ZNF469: variants seen among roughly 807,000 people sequenced by gnomAD.
The protein encoded by ZNF469 is zinc finger protein 469.
ZNF469 carries 1 observed loss-of-function variant against 1.0 expected under a neutral mutation model. The observed-to-expected ratio is 1.00, with a 90% confidence interval of 0.35 to 4.73. The LOEUF (loss-of-function observed/expected upper bound fraction) is 4.73, where lower values mean the gene tolerates loss of function less well. Ranked by LOEUF, ZNF469 falls within the 30% of genes most tolerant of loss-of-function variation. The pLI, the probability that ZNF469 is intolerant of heterozygous loss-of-function variation, is 0.16. For missense variants in ZNF469, 6,100 were observed against 5,356.3 expected (o/e 1.14, Z -4.33); for synonymous variants, 2,703 against 2,363.4 (o/e 1.14, Z -4.17).
chr16:88,163,360 T>C, the ZNF469 span, among the ~76,000 whole-genome samples: 1 of 147,276 alleles, frequency 6.8e-6, no homozygotes, highest in African/African-American at 2.5e-5. Context: ...GATGGATGCA[T>C]GACTGGGTGG....
In ZNF469 at chr16:88,421,502, C is replaced by T. The variant is rs192247629; in HGVS notation, c.-191-3305C>T. ...TGCCGCCCCATGCCCACCCCAGCTCCAAGGACTGGGACGCGTCCCCGAGCC... is the reference window on the plus strand; with the variant it reads ...TGCCGCCCCATGCCCACCCCAGCTCTAAGGACTGGGACGCGTCCCCGAGCC... On this transcript the variant is annotated intron_variant, in intron 1 of 2. Transcript: ENST00000565624. Among the ~76,000 whole-genome samples, 483 of 152,322 alleles carry T rather than the reference C, an allele frequency of 3.2e-3. 5 individuals are homozygous for T. Among genetic ancestry groups the T allele is most frequent in the African/African-American group, 0.011 (460 of 41,574 alleles).
chr16:88,197,108 C>A, the ZNF469 span, among the ~76,000 whole-genome samples: 3 of 152,226 alleles, frequency 2.0e-5, no homozygotes, highest in Non-Finnish European at 4.4e-5. Context: ...TAGATCTAAT[C>A]TTGGACTTCA....
the ZNF469 span, among the ~76,000 whole-genome samples, chr16:88,338,408 C>A: frequency 6.6e-6 from 1 of 152,358 alleles, no homozygotes. Flanking sequence ...GGCTGATCAT[C>A]ACTGTGCCCT....
the ZNF469 span, among the ~76,000 whole-genome samples, chr16:88,280,342 C>T: frequency 3.3e-5 from 5 of 152,112 alleles, no homozygotes; most frequent in Admixed American, 6.5e-5. Flanking sequence ...TGCGCTACGC[C>T]GACACTTGGT....
chr16:88,144,119 C>A, the ZNF469 span, among the ~76,000 whole-genome samples: 6 of 152,122 alleles, frequency 3.9e-5, no homozygotes, highest in African/African-American at 7.2e-5. Flanking sequence ...GAGGTACGCC[C>A]GGGGCCGTCC....
At chr16:88,349,618 C>T in the ZNF469 span, among the ~76,000 whole-genome samples, 1 of 147,722 alleles carries the variant, frequency 6.8e-6, no homozygotes, top group African/African-American at 2.5e-5. Context: ...ACACACCCAG[C>T]ACAATACACA....
chr16:88,415,034 C>G (rs999366792), intron 1 of ZNF469, among the ~76,000 whole-genome samples: 1 of 152,220 alleles, frequency 6.6e-6, no homozygotes, highest in Non-Finnish European at 1.5e-5. Context: ...GCCTCGGCCT[C>G]GCAGAGACTC....
At chr16:88,297,881 A>G in the ZNF469 span, among the ~76,000 whole-genome samples, 2 of 152,144 alleles carry the variant, frequency 1.3e-5, no homozygotes, top group East Asian at 3.9e-4. Context: ...AGGGCACTAC[A>G]GGTGCCGGTG....
At chr16:88,354,986 C>T in the ZNF469 span, among the ~76,000 whole-genome samples, 1 of 152,176 alleles carries the variant, frequency 6.6e-6, no homozygotes, top group Non-Finnish European at 1.5e-5. Context: ...CGTCTCTAGG[C>T]CCTTGTCCCC....
chr16:88,116,838 C>T, the ZNF469 span, among the ~76,000 whole-genome samples: 698 of 151,806 alleles, frequency 4.6e-3, 6 homozygotes, highest in African/African-American at 0.016. Flanking sequence ...GAGTAGGGGC[C>T]GCAGGGGGGC....
the ZNF469 span, among the ~76,000 whole-genome samples, chr16:88,196,487 G>A: frequency 2.0e-5 from 3 of 152,306 alleles, no homozygotes; most frequent in East Asian, 5.8e-4. Context: ...AATGAACTCT[G>A]CAACCTTGTC....
chr16:88,356,150 C>T, the ZNF469 span, among the ~76,000 whole-genome samples: 1 of 152,268 alleles, frequency 6.6e-6, no homozygotes, highest in East Asian at 1.9e-4. Flanking sequence ...ACACCCGTAC[C>T]CTCCATCCCT....
chr16:88,208,096 A>T, the ZNF469 span, among the ~76,000 whole-genome samples: 3 of 151,482 alleles, frequency 2.0e-5, no homozygotes, highest in Non-Finnish European at 4.4e-5. Context: ...ATTAGTGTGG[A>T]CTCGTGGCTT....
intron 1 of ZNF469, among the ~76,000 whole-genome samples, chr16:88,416,403 G>A (rs1002117466): frequency 6.6e-6 from 1 of 152,180 alleles, no homozygotes; most frequent in African/African-American, 2.4e-5. Flanking sequence ...GCTTCCCCAC[G>A]CTGGAAGACA....
rs1403898582 is a variant in ZNF469, at chr16:88,432,610, A to C, written c.5140A>C (p.Ser1714Arg). ...TGGACTTTGCCAGGCAGAAGGAGACAGCAGGCCCCCCCAAGATGTCTGCCT... is the reference window on the plus strand; with the variant it reads ...TGGACTTTGCCAGGCAGAAGGAGACCGCAGGCCCCCCCAAGATGTCTGCCT... ...KTGLCQAEGD[S>R]RPPQDVCLPE... Residue 1714 changes from serine (S) to arginine (R), a missense_variant, in exon 3 of 3, where the codon AGC (serine) becomes CGC (arginine). Transcript: ENST00000565624. The C allele has an allele frequency of 6.4e-7, 1 of 1,550,454 alleles. No homozygotes were observed. Among genetic ancestry groups the C allele is most frequent in the Non-Finnish European group, 8.7e-7 (1 of 1,146,982 alleles).
chr16:88,110,517 T>C, the ZNF469 span, among the ~76,000 whole-genome samples: 2 of 152,226 alleles, frequency 1.3e-5, no homozygotes. Flanking sequence ...CCCCTCCTGC[T>C]CCTCCACACC....
Position 88,431,771 on chromosome 16 carries a change from C to T in ZNF469, c.4301C>T (p.Pro1434Leu). The T allele has an allele frequency of 6.5e-7, 1 of 1,549,906 alleles. No individual in the cohort carries two copies. Among genetic ancestry groups the T allele is most frequent in the Non-Finnish European group, 8.7e-7 (1 of 1,146,970 alleles). ...SLEPQLPRSP[P>L]GTAETEPGRA... ...GAGCCACAGCTGCCAAGGAGCCCACCTGGCACCGCTGAGACGGAGCCAGGC... is the reference window on the plus strand; with the variant it reads ...GAGCCACAGCTGCCAAGGAGCCCACTTGGCACCGCTGAGACGGAGCCAGGC... Residue 1434 changes from proline to leucine, a missense_variant, in exon 3 of 3, where the codon CCT (proline) becomes CTT (leucine). Coordinates refer to ENST00000565624, the MANE Select transcript of ZNF469 (RefSeq NM_001367624.2).
At chr16:88,103,161 A>G in the ZNF469 span, among the ~76,000 whole-genome samples, 8 of 138,426 alleles carry the variant, frequency 5.8e-5, no homozygotes, top group Non-Finnish European at 1.1e-4. Flanking sequence ...TCCCCTGGGT[A>G]GAGCAGGAAC....
the ZNF469 span, among the ~76,000 whole-genome samples, chr16:88,282,582 A>C: frequency 6.6e-6 from 1 of 152,168 alleles, no homozygotes; most frequent in Non-Finnish European, 1.5e-5. Context: ...AGTGTGTATA[A>C]GAGCTGGGGG....
Sources: allele counts gnomAD v4.1 joint callset (sites outside exome capture counted in the v4.1 genomes callset), GRCh38; gene constraint gnomAD v4.1.1; transcripts MANE v1.5; gene names NCBI Gene and HGNC (gene_info 2026-07-23, HGNC 2026-07-21).